The following ITPR2 variants were observed in gnomAD, a reference collection of about 807,000 sequenced individuals.
The protein encoded by ITPR2 is inositol 1,4,5-trisphosphate-gated calcium channel ITPR2.
In ITPR2, 207 loss-of-function variants were observed where a neutral mutation model predicts 317.1. The ratio of observed to expected loss-of-function variants is 0.65; its 90% CI spans 0.58 to 0.73. The LOEUF is 0.73. Ranked by LOEUF, ITPR2 falls within the 30% of genes least tolerant of loss-of-function variation. The pLI, the probability that ITPR2 is intolerant of heterozygous loss-of-function variation, is 0.00. For synonymous variants in ITPR2, 1,156 were observed against 1,149.1 expected (o/e 1.01, Z -0.12); for missense variants, 2,613 against 3,284.0 (o/e 0.80, Z 4.99).
intron 2 of ITPR2, among the ~76,000 whole-genome samples, chr12:26,756,035 A>C (rs1949514984): frequency 6.6e-6 from 1 of 152,198 alleles, no homozygotes; most frequent in South Asian, 2.1e-4. Context: ...GTTCCATCAA[A>C]GCCAATTTGA....
chr12:26,712,757 T>A (rs929386343), intron 8 of ITPR2, among the ~76,000 whole-genome samples: 1 of 152,130 alleles, frequency 6.6e-6, no homozygotes, highest in African/African-American at 2.4e-5. Context: ...TATACATCAG[T>A]GGGTCTGGCA....
At chr12:26,492,889 C>T (rs554107925) in intron 39 of ITPR2, among the ~76,000 whole-genome samples, 1 of 142,750 alleles carries the variant, frequency 7.0e-6, no homozygotes, top group South Asian at 2.4e-4. Flanking sequence ...TTGATCATTG[C>T]ACGATATGTG....
intron 1 of ITPR2, among the ~76,000 whole-genome samples, chr12:26,800,140 T>G (rs1950529806): frequency 1.3e-5 from 2 of 152,208 alleles, no homozygotes; most frequent in Admixed American, 6.5e-5. Context: ...CTGTCTGCTT[T>G]TGGTCACTCT....
Position 26,481,153 on chromosome 12 carries a change from A to C in ITPR2, c.6101T>G (p.Met2034Arg). ...NDINPLGKYR[M>R]DLVLQLKNNA... ...TACCTTTAGCTGGAGCACCAGGTCC[A>C]TTCGGTATTTACCAAGAGGGTTTAT... The change falls in exon 43 of 57, where the codon ATG becomes AGG. Residue 2034 changes from methionine to arginine, a missense_variant. Around this residue, in one of 9 missense-constraint regions of ITPR2, gnomAD observed 926 missense variants for 1,072.8 expected, o/e 0.86. Transcript: ENST00000381340. 6.2e-7 allele frequency: 1 copy of C among 1,610,980 alleles called. No homozygotes were observed. The highest frequency in any genetic ancestry group is 8.5e-7 in the Non-Finnish European group (1 of 1,177,126).
chr12:26,625,888 C>T (rs929611213), intron 23 of ITPR2, among the ~76,000 whole-genome samples: 1 of 151,984 alleles, frequency 6.6e-6, no homozygotes, highest in African/African-American at 2.4e-5. Flanking sequence ...CTACGTGAAC[C>T]AATCATGATT....
At chr12:26,549,413 A>G (rs1236802487) in intron 37 of ITPR2, among the ~76,000 whole-genome samples, 1 of 152,184 alleles carries the variant, frequency 6.6e-6, no homozygotes, top group Admixed American at 6.5e-5. Flanking sequence ...AAAAAACCCA[A>G]CCACTACAAT....
intron 55 of ITPR2, among the ~76,000 whole-genome samples, chr12:26,363,714 C>G (rs1466814819): frequency 6.6e-6 from 1 of 151,964 alleles, no homozygotes; most frequent in African/African-American, 2.4e-5. Context: ...CACACAGGTA[C>G]CTATGTAACA....
intron 2 of ITPR2, among the ~76,000 whole-genome samples, chr12:26,732,090 T>C (rs1949037830): frequency 6.6e-6 from 1 of 152,210 alleles, no homozygotes; most frequent in Non-Finnish European, 1.5e-5. Flanking sequence ...TCTAGAATGC[T>C]ATGAAGGCTC....
chr12:26,773,981 AT>A (rs34106132), intron 2 of ITPR2, among the ~76,000 whole-genome samples: 5,727 of 91,010 alleles, frequency 0.063, 199 homozygotes, highest in African/African-American at 0.11. Context: ...CAACTGGAGA[AT>A]TTTTTTTTTT....
At chr12:26,505,286 G>A (rs1943159195) in intron 37 of ITPR2, among the ~76,000 whole-genome samples, 1 of 152,112 alleles carries the variant, frequency 6.6e-6, no homozygotes. Flanking sequence ...TTACTTTAGG[G>A]GATGATACAC....
chr12:26,626,194 G>A (rs1362780306), intron 23 of ITPR2, among the ~76,000 whole-genome samples: 1 of 152,060 alleles, frequency 6.6e-6, no homozygotes, highest in Non-Finnish European at 1.5e-5. Flanking sequence ...CAAACTCCTG[G>A]GCTCAACCAA....
At chr12:26,506,828 G>A (rs1323554067) in intron 37 of ITPR2, among the ~76,000 whole-genome samples, 5 of 152,212 alleles carry the variant, frequency 3.3e-5, no homozygotes, top group South Asian at 2.1e-4. Context: ...AAGGCTGCAC[G>A]TCATACAAGG....
chr12:26,437,743 T>C (rs964128639), intron 47 of ITPR2, among the ~76,000 whole-genome samples: 2 of 152,136 alleles, frequency 1.3e-5, no homozygotes, highest in Non-Finnish European at 2.9e-5. Flanking sequence ...AAAGCACTAG[T>C]TCAGTATTCA....
intron 37 of ITPR2, among the ~76,000 whole-genome samples, chr12:26,499,933 G>A (rs1480902484): frequency 1.3e-5 from 2 of 151,988 alleles, no homozygotes; most frequent in Non-Finnish European, 1.5e-5. Context: ...ATTCTGTCTT[G>A]GTTCAAACTT....
Position 26,599,145 on chromosome 12 carries a change from C to G in ITPR2, c.4002G>C (p.Glu1334Asp). ...VKKCQDMVMTELINGGEDVLI... is the reference protein window; with the variant it reads ...VKKCQDMVMTDLINGGEDVLI... ...GATAAAAGGCAAACTGAGAACATACCTCTGTCATTACCATATCCTGGCATT... is the reference window on the plus strand; with the variant it reads ...GATAAAAGGCAAACTGAGAACATACGTCTGTCATTACCATATCCTGGCATT... Residue 1334 changes from glutamate to aspartate, a missense_variant and splice_region_variant, in exon 30 of 57, where the codon GAG (glutamate) becomes GAC (aspartate). By Grantham distance (45) the Glu-to-Asp change is conservative (BLOSUM62 2). Transcript: ENST00000381340. 1 of 1,613,672 alleles carries G rather than the reference C, an allele frequency of 6.2e-7. No homozygotes were observed. The highest frequency in any genetic ancestry group is 8.5e-7 in the Non-Finnish European group (1 of 1,179,634).
intron 2 of ITPR2, among the ~76,000 whole-genome samples, chr12:26,762,750 G>A (rs980528362): frequency 3.9e-5 from 6 of 152,016 alleles, no homozygotes; most frequent in Admixed American, 2.6e-4. Flanking sequence ...AAAAATAAGT[G>A]TAGCTATAAT....
At chr12:26,646,229 TA>T (rs1449449623) in intron 21 of ITPR2, among the ~76,000 whole-genome samples, 4 of 152,160 alleles carry the variant, frequency 2.6e-5, no homozygotes, top group African/African-American at 9.7e-5. Context: ...AGATCATATT[TA>T]GACTAACCTC....
In ITPR2 at chr12:26,457,718, T is replaced by C. The variant is rs77723210; in HGVS notation, c.6343-14068A>G. Among the ~76,000 whole-genome samples, 1,474 of 152,260 alleles carry C rather than the reference T, an allele frequency of 9.7e-3. 26 individuals carry two copies. The highest frequency in any genetic ancestry group is 0.034 in the African/African-American group (1,409 of 41,532). On this transcript the variant is annotated intron_variant, in intron 45 of 56. Transcript: ENST00000381340. Reference sequence around the variant, plus strand: ...CTAGAGGGTGGGACTGTACAGTGGTTAGCATCACGGACTCTGGACAGACCT... The same window carrying C: ...CTAGAGGGTGGGACTGTACAGTGGTCAGCATCACGGACTCTGGACAGACCT...
intron 26 of ITPR2, among the ~76,000 whole-genome samples, chr12:26,610,656 CAAT>C (rs1946241735): frequency 6.6e-6 from 1 of 152,078 alleles, no homozygotes; most frequent in African/African-American, 2.4e-5. Flanking sequence ...CCAAAAAACT[CAAT>C]AATAATAATA....
Sources: gnomAD v4.1 joint callset for allele counts (sites outside exome capture counted in the v4.1 genomes callset) on GRCh38, gnomAD v4.1.1 for gene constraint, gnomAD v4.1.1 regional missense constraint, MANE v1.5 for transcripts, NCBI Gene and HGNC (gene_info 2026-07-23, HGNC 2026-07-21) for gene names.